The following SFXN2 variants were observed in gnomAD, a reference collection of about 807,000 sequenced individuals.
SFXN2 encodes sideroflexin 2.
A neutral mutation model predicts 41.9 loss-of-function variants in SFXN2; 37 were observed. The observed-to-expected ratio is 0.88, with a 90% CI of 0.68 to 1.16. The LOEUF (loss-of-function observed/expected upper bound fraction) is 1.16, where lower values mean the gene tolerates loss of function less well. Among genes scored for constraint, SFXN2 ranks in the 50% most tolerant of loss-of-function variants. The pLI is 0.00. For missense variants in SFXN2, 386 were observed against 425.2 expected, an observed-to-expected ratio of 0.91 and a Z score of 0.81; for synonymous variants, 150 against 156.7, an observed-to-expected ratio of 0.96 and a Z score of 0.32.
chr10:102,722,730 A>G (rs1247087083), intron 1 of SFXN2, among the ~76,000 whole-genome samples: 1 of 151,476 alleles, frequency 6.6e-6, no homozygotes, highest in Non-Finnish European at 1.5e-5. Flanking sequence ...TTTAATTTTT[A>G]TAGAGACAGG....
Position 102,737,715 on chromosome 10 carries a change from A to G in SFXN2, c.922A>G (p.Lys308Glu), listed in dbSNP as rs147788361. 4 of 1,613,104 alleles carry G rather than the reference A, an allele frequency of 2.5e-6. No homozygotes were observed. In the African/African-American group the frequency reaches 5.3e-5, roughly 22 times the overall value. Residue 308 changes from lysine to glutamate, a missense_variant, in exon 12 of 12, where the codon AAG (lysine) becomes GAG (glutamate). Lys to Glu is a moderately conservative substitution (Grantham distance 56). Transcript: ENST00000369893. ...GAAGCTCCAAGACACTATCAAGGCC[A>G]AGTATGGAGAACTTGAGCCTTATGT... ...EPKLQDTIKA[K>E]YGELEPYVYF...
rs372769475 is a variant in SFXN2 at position 102,727,175 on chromosome 10, G to A, written c.332+18G>A. ...TTCTACAGGTGGGACCTGGGGGCAG[G>A]GCCGTGGGAGGTACAGCTGCCTGGA... is the stretch of plus-strand genomic sequence containing the variant. On this transcript the variant is annotated intron_variant, in intron 3 of 11. Coordinates refer to ENST00000369893, the MANE Select transcript of SFXN2 (RefSeq NM_178858.6). 2.4e-5 allele frequency: 38 copies of A among 1,585,352 alleles called. No individual in the cohort carries two copies. In the African/African-American group the frequency reaches 4.7e-4, roughly 20 times the overall value.
chr10:102,727,315 G>T (rs2244518), intron 3 of SFXN2, among the ~76,000 whole-genome samples, 158 bp downstream of exon 3: 152,002 of 152,284 alleles, frequency 1, 75,860 homozygotes, highest in East Asian at 1. Flanking sequence ...TTTAACCCTC[G>T]CAACAACCCT....
At chr10:102,717,667 C>A (rs2064437301) in intron 1 of SFXN2, 1 of 771,644 alleles carries the variant, frequency 1.3e-6, no homozygotes, top group Non-Finnish European at 1.6e-6. Flanking sequence ...TTTGCAACTT[C>A]ATGAAAGAAA....
chr10:102,725,308 G>A (rs1242229678), intron 1 of SFXN2, among the ~76,000 whole-genome samples: 1 of 152,108 alleles, frequency 6.6e-6, no homozygotes, highest in East Asian at 1.9e-4. Flanking sequence ...TCCTCTTTAG[G>A]TGAGGCAGGA....
In SFXN2 at chr10:102,737,713, C is replaced by G; in HGVS notation, c.920C>G (p.Ala307Gly). ...CCGAAGCTCCAAGACACTATCAAGG[C>G]CAAGTATGGAGAACTTGAGCCTTAT... ...LEPKLQDTIK[A>G]KYGELEPYVY... The change falls in exon 12 of 12, where the codon GCC (alanine) becomes GGC (glycine). Residue 307 changes from alanine (A) to glycine (G), a missense_variant. Transcript: ENST00000369893. 1 of 1,613,056 alleles carries G rather than the reference C, an allele frequency of 6.2e-7. No homozygotes were observed. The highest frequency in any genetic ancestry group is 8.5e-7 in the Non-Finnish European group (1 of 1,179,228).
intron 11 of SFXN2, among the ~76,000 whole-genome samples, chr10:102,736,495 C>T (rs1247851553): frequency 6.7e-6 from 1 of 150,132 alleles, no homozygotes; most frequent in African/African-American, 2.5e-5. Context: ...AGTCTCGGCT[C>T]ACTGCAACCT....
chr10:102,718,529 G>A (rs2080616925), intron 1 of SFXN2, among the ~76,000 whole-genome samples: 1 of 152,266 alleles, frequency 6.6e-6, no homozygotes, highest in African/African-American at 2.4e-5. Context: ...CCAGGTGGCA[G>A]GGAGAGGGGA....
At chr10:102,718,487 TG>T (rs1472783418) in intron 1 of SFXN2, among the ~76,000 whole-genome samples, 10 of 152,226 alleles carry the variant, frequency 6.6e-5, no homozygotes, top group Non-Finnish European at 1.5e-4. Flanking sequence ...CTGAGATAAA[TG>T]CCTTTGGTCT....
chr10:102,733,555 A>T lies in SFXN2; in HGVS notation c.773A>T (p.Lys258Ile). The stretch of plus-strand genomic sequence containing the variant: ...TGTCTTTTATTTGTTTTTATACAGA[A>T]AGTCAAGGTCCTGCACGCCCCATTG... ...ERLEKLHFMQ[K>I]VKVLHAPLQV... Residue 258 changes from lysine (K) to isoleucine (I), a missense_variant and splice_region_variant, in exon 10 of 12, where the codon AAA becomes ATA. Lys to Ile is a moderately radical substitution (Grantham distance 102). Transcript: ENST00000369893. The T allele has an allele frequency of 6.2e-7, 1 of 1,613,476 alleles. No homozygotes were observed. Among genetic ancestry groups the T allele is most frequent in the Admixed American group, 1.7e-5 (1 of 60,010 alleles).
chr10:102,716,548 CCTCT>C (rs1478781907), intron 1 of SFXN2: 2 of 147,918 alleles, frequency 1.4e-5, no homozygotes, highest in African/African-American at 2.5e-5. Flanking sequence ...TCTTTGTTTC[CCTCT>C]CTTTCTTTCC....
intron 1 of SFXN2, among the ~76,000 whole-genome samples, chr10:102,720,801 G>T (rs535845036): frequency 5.7e-4 from 86 of 152,154 alleles, no homozygotes; most frequent in Admixed American, 9.8e-4. Flanking sequence ...CAAGACTCCC[G>T]GGATTCCCTC....
At chr10:102,718,061 A>G (rs915992287) in intron 1 of SFXN2, among the ~76,000 whole-genome samples, 1 of 152,224 alleles carries the variant, frequency 6.6e-6, no homozygotes, top group South Asian at 2.1e-4. Context: ...TGTTCCAGAC[A>G]GATCGTTTAG....
chr10:102,720,113 A>T (rs1474160701), intron 1 of SFXN2, among the ~76,000 whole-genome samples: 3 of 151,986 alleles, frequency 2.0e-5, no homozygotes, highest in Admixed American at 6.6e-5. Context: ...TAACACGGTG[A>T]AACCGCGTCT....
At chr10:102,736,722 G>A (rs1162991162) in intron 11 of SFXN2, among the ~76,000 whole-genome samples, 1 of 151,158 alleles carries the variant, frequency 6.6e-6, no homozygotes, top group Non-Finnish European at 1.5e-5. Context: ...GCCTCATTTT[G>A]TATTTTTAGT....
intron 1 of SFXN2, among the ~76,000 whole-genome samples, chr10:102,719,542 T>C (rs2064476434): frequency 1.3e-5 from 2 of 152,134 alleles, no homozygotes; most frequent in Non-Finnish European, 2.9e-5. Flanking sequence ...GCTTCTTAAA[T>C]GTCCTGATTT....
intron 11 of SFXN2, among the ~76,000 whole-genome samples, chr10:102,736,590 T>C (rs2064782929): frequency 6.6e-6 from 1 of 152,082 alleles, no homozygotes; most frequent in South Asian, 2.1e-4. Flanking sequence ...CTAATTTTTG[T>C]ATTTTTAGTA....
intron 11 of SFXN2, among the ~76,000 whole-genome samples, chr10:102,737,313 C>A (rs1035001628): frequency 3.3e-5 from 5 of 152,116 alleles, no homozygotes; most frequent in Admixed American, 2.6e-4. Flanking sequence ...TGGAGGGTGA[C>A]TGACCCCAGG....
Position 102,737,696 on chromosome 10 carries a change from C to T in SFXN2, c.903C>T (p.Leu301=), listed in dbSNP as rs976311563. ...ELPVSYLEPK[L]QDTIKAKYGE... ...CAGTTTCCTATCTGGAACCGAAGCT[C>T]CAAGACACTATCAAGGCCAAGTATG... The change falls in exon 12 of 12, where the codon CTC becomes CTT. Residue 301 remains leucine (L), a synonymous_variant. Coordinates refer to ENST00000369893, the MANE Select transcript of SFXN2 (RefSeq NM_178858.6). 2 of 1,613,054 alleles carry T rather than the reference C, an allele frequency of 1.2e-6. No homozygotes were observed. The highest frequency in any genetic ancestry group is 2.2e-5 in the South Asian group (2 of 91,010).
Sources: gnomAD v4.1 joint callset for allele counts (sites outside exome capture counted in the v4.1 genomes callset) on GRCh38, gnomAD v4.1.1 for gene constraint, MANE v1.5 for transcripts, NCBI Gene and HGNC (gene_info 2026-07-23, HGNC 2026-07-21) for gene names.